The following CUX1 variants were observed in gnomAD, a reference collection of about 807,000 sequenced individuals.
The protein encoded by CUX1 is cut like homeobox 1.
A neutral mutation model predicts 158.8 loss-of-function variants in CUX1; 31 were observed. The observed-to-expected ratio is 0.20, with a 90% CI of 0.15 to 0.26. The LOEUF (loss-of-function observed/expected upper bound fraction) is 0.26. Among genes scored for constraint, CUX1 ranks in the 10% least tolerant of loss-of-function variants. The probability of loss-of-function intolerance (pLI) is 1.00; values close to 1 mark genes in which losing one functional copy is unlikely to be tolerated. For missense variants in CUX1, 1,589 were observed against 2,014.6 expected, an observed-to-expected ratio of 0.79 and a Z score of 4.04; for synonymous variants, 879 against 862.1, an observed-to-expected ratio of 1.02 and a Z score of -0.34.
chr7:101,820,734 T>C (rs1434725526), intron 1 of CUX1, among the ~76,000 whole-genome samples: 2 of 152,220 alleles, frequency 1.3e-5, no homozygotes, highest in African/African-American at 4.8e-5. Flanking sequence ...TATTTTAACA[T>C]ATTTAAAATG....
chr7:101,998,796 C>T (rs976823658), intron 2 of CUX1, among the ~76,000 whole-genome samples: 1 of 152,178 alleles, frequency 6.6e-6, no homozygotes, highest in Non-Finnish European at 1.5e-5. Flanking sequence ...GAAGCCACTT[C>T]CTCCCTCTAA....
chr7:102,191,694 C>T (rs906166404), intron 12 of CUX1, among the ~76,000 whole-genome samples: 117 of 152,272 alleles, frequency 7.7e-4, no homozygotes, highest in African/African-American at 2.6e-3. Context: ...TAGTCGTCGT[C>T]TTCATTGTCG....
chr7:102,183,309 C>T (rs557702292), intron 11 of CUX1, among the ~76,000 whole-genome samples: 8 of 152,188 alleles, frequency 5.3e-5, no homozygotes, highest in Non-Finnish European at 8.8e-5. Flanking sequence ...CCATCGCGCC[C>T]GGCCCCATCT....
intron 2 of CUX1, among the ~76,000 whole-genome samples, chr7:101,931,590 G>A (rs894613311): frequency 6.6e-6 from 1 of 152,128 alleles, no homozygotes; most frequent in African/African-American, 2.4e-5. Flanking sequence ...TTTTGAGACA[G>A]AGTCTCACTC....
Position 102,070,435 on chromosome 7 carries a change from T to C in CUX1, c.268+18T>C. ...CGTCCCAGGTAAGCCCCGGCAGTAA[T>C]GGCCCACCAGTGGGGGGCGTTGTGT... On this transcript the variant is annotated intron_variant, in intron 4 of 23. Coordinates refer to ENST00000292535, the MANE Select transcript of CUX1 (RefSeq NM_181552.4). 4.4e-6 allele frequency: 7 copies of C among 1,598,020 alleles called. No individual in the cohort carries two copies. The highest frequency in any genetic ancestry group is 5.1e-6 in the Non-Finnish European group (6 of 1,172,412).
At chr7:101,995,141 G>T (rs549448539) in intron 2 of CUX1, among the ~76,000 whole-genome samples, 2 of 152,098 alleles carry the variant, frequency 1.3e-5, no homozygotes, top group Non-Finnish European at 2.9e-5. Flanking sequence ...CAGAAACCTG[G>T]CTGGGGGTGA....
intron 4 of CUX1, among the ~76,000 whole-genome samples, chr7:102,074,939 A>G (rs151304643): frequency 6.6e-6 from 1 of 152,066 alleles, no homozygotes. Flanking sequence ...GCACACTGCA[A>G]CCTCTGCCTT....
chr7:101,985,465 T>C (rs1413251925), intron 2 of CUX1, among the ~76,000 whole-genome samples: 1 of 152,226 alleles, frequency 6.6e-6, no homozygotes, highest in Non-Finnish European at 1.5e-5. Flanking sequence ...CCTGCAGGAC[T>C]GCTGTGCATG....
chr7:102,046,404 T>C (rs1822805347), intron 3 of CUX1, among the ~76,000 whole-genome samples: 1 of 151,936 alleles, frequency 6.6e-6, no homozygotes, highest in Non-Finnish European at 1.5e-5. Flanking sequence ...GGCTAATTTT[T>C]ATATGTTTAG....
In CUX1 at chr7:102,234,125, A is replaced by G; in HGVS notation, c.3507A>G (p.Lys1169=). ...GSVSDLLARP[K]PWHKLSLKGR... is the part of the protein sequence containing the mutation. ...TCTCTGACCTCCTTGCCCGCCCCAA[A>G]CCCTGGCATAAGCTCAGTCTGAAAG... Residue 1169 remains lysine, a synonymous_variant, in exon 22 of 24, where the codon AAA becomes AAG. Coordinates refer to ENST00000292535, the MANE Select transcript of CUX1 (RefSeq NM_181552.4). 2 of 1,599,386 alleles carry G rather than the reference A, an allele frequency of 1.3e-6. No homozygotes were observed. Among genetic ancestry groups the G allele is most frequent in the Non-Finnish European group, 1.7e-6 (2 of 1,173,836 alleles).
chr7:102,165,944 C>T (rs1016003168), intron 9 of CUX1, among the ~76,000 whole-genome samples: 2 of 152,196 alleles, frequency 1.3e-5, no homozygotes, highest in African/African-American at 4.8e-5. Context: ...ATTCCTGAGA[C>T]ACGGTGTCGC....
At position 101,972,112 on chromosome 7, in the gene CUX1, G is replaced by A. The variant is rs574850852; in HGVS notation, c.141+55887G>A. ...CTCCCAAGACGCTGGGACTACAGGC[G>A]CCTGCCACCACGCCCAGCTAATTTT... On this transcript the variant is annotated intron_variant, in intron 2 of 23. Coordinates refer to ENST00000292535, the MANE Select transcript of CUX1 (RefSeq NM_181552.4). Among the ~76,000 whole-genome samples, 11 of 152,258 alleles carry A rather than the reference G, an allele frequency of 7.2e-5. No individual in the cohort carries two copies. The East Asian group carries it at 2.1e-3, about 29-fold the overall frequency.
chr7:102,045,039 T>C (rs551038882), intron 3 of CUX1, among the ~76,000 whole-genome samples: 134 of 152,290 alleles, frequency 8.8e-4, no homozygotes, highest in African/African-American at 3.1e-3. Context: ...ACTGTGGTGA[T>C]GTGGCTGCTG....
At chr7:101,942,839 C>T (rs889905313) in intron 2 of CUX1, among the ~76,000 whole-genome samples, 3 of 152,222 alleles carry the variant, frequency 2.0e-5, no homozygotes, top group African/African-American at 7.2e-5. Context: ...CTCTTGGTGC[C>T]TGGGGTGGTG....
intron 1 of CUX1, among the ~76,000 whole-genome samples, chr7:101,835,643 AT>A (rs1482818919): frequency 6.6e-6 from 1 of 152,160 alleles, no homozygotes; most frequent in African/African-American, 2.4e-5. Context: ...CATGCAATTC[AT>A]AATAATCACA....
At chr7:102,077,516 C>T (rs1482337099) in intron 4 of CUX1, among the ~76,000 whole-genome samples, 1 of 135,852 alleles carries the variant, frequency 7.4e-6, no homozygotes, top group Non-Finnish European at 1.6e-5. Flanking sequence ...ATAGCAAAAC[C>T]CCCCATCTCT....
intron 8 of CUX1, among the ~76,000 whole-genome samples, chr7:102,144,899 C>T (rs1834862903): frequency 6.6e-6 from 1 of 151,662 alleles, no homozygotes; most frequent in Non-Finnish European, 1.5e-5. Flanking sequence ...AACAGCCTGG[C>T]TAACATGGCA....
chr7:102,049,206 T>A (rs1000946218), intron 3 of CUX1, among the ~76,000 whole-genome samples: 6 of 152,136 alleles, frequency 3.9e-5, no homozygotes, highest in Non-Finnish European at 7.3e-5. Flanking sequence ...CTCGGAGAAA[T>A]TTCCTCTGAA....
intron 2 of CUX1, among the ~76,000 whole-genome samples, chr7:101,990,468 C>G (rs1388880835): frequency 1.3e-5 from 2 of 152,034 alleles, no homozygotes; most frequent in African/African-American, 4.8e-5. Context: ...CCTCCGCCTC[C>G]TGGGTTCAAG....
Sources: gnomAD v4.1 joint callset for allele counts (sites outside exome capture counted in the v4.1 genomes callset) on GRCh38, gnomAD v4.1.1 for gene constraint, MANE v1.5 for transcripts, NCBI Gene and HGNC (gene_info 2026-07-23, HGNC 2026-07-21) for gene names.